ATP2B4: variants seen among roughly 807,000 people sequenced by gnomAD.
The protein encoded by ATP2B4 is ATPase plasma membrane Ca2+ transporting 4.
In ATP2B4, 39 loss-of-function variants were observed where a neutral mutation model predicts 110.3. The ratio of observed to expected loss-of-function variants is 0.35; its 90% CI spans 0.27 to 0.46. The LOEUF (loss-of-function observed/expected upper bound fraction) is 0.46, where lower values mean the gene tolerates loss of function less well. ATP2B4 is among the 20% of genes least tolerant of loss of function. ATP2B4 has a pLI of 1.00. For synonymous variants in ATP2B4, 538 were observed against 571.7 expected (o/e 0.94, Z 0.84); for missense variants, 1,135 against 1,530.9 (o/e 0.74, Z 4.32).
intron 14 of ATP2B4, among the ~76,000 whole-genome samples, 196 bp downstream of exon 14, chr1:203,713,448 GTTTTTATTT>G (rs1159840761): frequency 3.3e-5 from 5 of 151,704 alleles, no homozygotes; most frequent in African/African-American, 1.2e-4. Context: ...AAGTTGTTGG[GTTTTTATTT>G]TTTTTATTTT....
intron 1 of ATP2B4, among the ~76,000 whole-genome samples, chr1:203,663,741 A>T (rs1171694786): frequency 6.6e-6 from 1 of 151,810 alleles, no homozygotes; most frequent in East Asian, 1.9e-4. Context: ...AGTAGTGGGG[A>T]CTACAGGCAC....
At chr1:203,663,784 TG>T (rs1263953546) in intron 1 of ATP2B4, among the ~76,000 whole-genome samples, 3 of 152,226 alleles carry the variant, frequency 2.0e-5, no homozygotes, top group East Asian at 3.9e-4. Flanking sequence ...TTTTATTTTT[TG>T]TAGAGACGGT....
chr1:203,688,962 A>C (rs985608443), intron 2 of ATP2B4, among the ~76,000 whole-genome samples: 6 of 152,156 alleles, frequency 3.9e-5, no homozygotes, highest in Non-Finnish European at 2.9e-5. Flanking sequence ...CAATCTGAGC[A>C]TTTTGCACAA....
intron 1 of ATP2B4, among the ~76,000 whole-genome samples, chr1:203,678,498 G>A (rs981886209): frequency 1.4e-5 from 2 of 146,986 alleles, no homozygotes; most frequent in African/African-American, 5.0e-5. Flanking sequence ...CCACCTCCCA[G>A]GCTCAAATGA....
At chr1:203,678,555 C>A (rs1324867622) in intron 1 of ATP2B4, among the ~76,000 whole-genome samples, 1 of 152,096 alleles carries the variant, frequency 6.6e-6, no homozygotes, top group Non-Finnish European at 1.5e-5. Context: ...AGGTGTGCGC[C>A]ATCATGCCCA....
chr1:203,666,080 G>A (rs6675071), intron 1 of ATP2B4, among the ~76,000 whole-genome samples: 5,495 of 152,308 alleles, frequency 0.036, 202 homozygotes, highest in East Asian at 0.18. Context: ...TGAGAAGGTG[G>A]TGGAGCATAC....
intron 15 of ATP2B4, among the ~76,000 whole-genome samples, chr1:203,720,201 G>A (rs942387740): frequency 2.0e-5 from 3 of 152,196 alleles, no homozygotes; most frequent in Non-Finnish European, 4.4e-5. Context: ...GGGCTTAAGT[G>A]AGATACTGGC....
chr1:203,647,749 ACT>A (rs758563541), intron 1 of ATP2B4, among the ~76,000 whole-genome samples: 131 of 151,952 alleles, frequency 8.6e-4, no homozygotes, highest in Non-Finnish European at 1.5e-3. Context: ...ACAGAGGGAG[ACT>A]CTGTCTTAAA....
intron 2 of ATP2B4, among the ~76,000 whole-genome samples, chr1:203,695,642 T>C (rs972654261): frequency 2.0e-5 from 3 of 152,038 alleles, no homozygotes; most frequent in Non-Finnish European, 2.9e-5. Context: ...GAATGTGGTC[T>C]CAAAAGAGGG....
intron 1 of ATP2B4, among the ~76,000 whole-genome samples, chr1:203,659,671 A>G (rs1664272499): frequency 1.3e-5 from 2 of 152,194 alleles, no homozygotes; most frequent in South Asian, 2.1e-4. Context: ...CTCAAAAAAT[A>G]AAAATAAAAA....
chr1:203,650,342 C>G (rs1558015437), intron 1 of ATP2B4, among the ~76,000 whole-genome samples: 1 of 152,022 alleles, frequency 6.6e-6, no homozygotes, highest in Non-Finnish European at 1.5e-5. Flanking sequence ...AGGTGTGTTC[C>G]CCGGGTTGTG....
chr1:203,631,035 G>A (rs1361295965), intron 1 of ATP2B4, among the ~76,000 whole-genome samples: 1 of 152,208 alleles, frequency 6.6e-6, no homozygotes, highest in Admixed American at 6.5e-5. Flanking sequence ...AGAAATGACA[G>A]GGACTTTCTA....
At chr1:203,645,911 C>G (rs758864687) in intron 1 of ATP2B4, among the ~76,000 whole-genome samples, 1 of 151,850 alleles carries the variant, frequency 6.6e-6, no homozygotes, top group Non-Finnish European at 1.5e-5. Flanking sequence ...TTCATAGGAA[C>G]GTTGACATAG....
intron 1 of ATP2B4, among the ~76,000 whole-genome samples, chr1:203,638,308 C>T (rs1663521037): frequency 6.6e-6 from 1 of 152,200 alleles, no homozygotes; most frequent in East Asian, 1.9e-4. Flanking sequence ...GCCTCAGCAG[C>T]GGCCTGCCAC....
At chr1:203,711,151 T>C (rs1665997873) in intron 12 of ATP2B4, 43 bp downstream of exon 12, 4 of 1,576,248 alleles carry the variant, frequency 2.5e-6, no homozygotes, top group Middle Eastern at 1.7e-4. Flanking sequence ...GGAAGTGGGG[T>C]ACTAGTTCCC....
intron 9 of ATP2B4, among the ~76,000 whole-genome samples, chr1:203,707,638 C>T (rs1665887825): frequency 6.6e-6 from 1 of 152,100 alleles, no homozygotes; most frequent in African/African-American, 2.4e-5. Flanking sequence ...ACCATGTTGG[C>T]CAGGCTGGTC....
intron 1 of ATP2B4, among the ~76,000 whole-genome samples, 174 bp from the exon 2 acceptor site, chr1:203,682,568 G>A (rs967968391): frequency 2.8e-5 from 4 of 143,622 alleles, no homozygotes; most frequent in Admixed American, 7.4e-5. Context: ...AGGAAGGAAC[G>A]GGCCTCTCTT....
chr1:203,630,479 G>C (rs1343795290), intron 1 of ATP2B4, among the ~76,000 whole-genome samples: 1 of 151,236 alleles, frequency 6.6e-6, no homozygotes, highest in Non-Finnish European at 1.5e-5. Context: ...GCCTTGGAGA[G>C]AGAAAAGGAT....
At chr1:203,728,714 G>A (rs377013728) in intron 20 of ATP2B4, among the ~76,000 whole-genome samples, 59 of 152,180 alleles carry the variant, frequency 3.9e-4, no homozygotes, top group Middle Eastern at 3.4e-3. Context: ...AAAATTAGCC[G>A]GGCGTAGTGG....
Sources: gnomAD v4.1 joint callset for allele counts (sites outside exome capture counted in the v4.1 genomes callset) on GRCh38, gnomAD v4.1.1 for gene constraint, MANE v1.5 for transcripts, NCBI Gene and HGNC (gene_info 2026-07-23, HGNC 2026-07-21) for gene names.